SLC35F5: variants seen among roughly 807,000 people sequenced by gnomAD.
SLC35F5 encodes the protein HCV NS5A-transactivated protein 3.
Under a neutral mutation model 68.6 loss-of-function variants are expected in SLC35F5, and 54 were observed. The observed-to-expected ratio is 0.79, with a 90% CI of 0.63 to 0.99. SLC35F5 has a LOEUF of 0.99. SLC35F5 is among the 50% of genes least tolerant of loss of function. The pLI, the probability that SLC35F5 is intolerant of heterozygous loss-of-function variation, is 0.00. For missense variants in SLC35F5, 567 were observed against 626.9 expected, an observed-to-expected ratio of 0.90 and a Z score of 1.02; for synonymous variants, 211 against 205.2, an observed-to-expected ratio of 1.03 and a Z score of -0.24.
chr2:113,725,766 A>G, intron 11 of SLC35F5: 1 of 391,922 alleles, frequency 2.6e-6, no homozygotes, highest in Non-Finnish European at 4.6e-6. Context: ...CCCACATTGT[A>G]TGGGAGCAAC....
Position 113,745,274 on chromosome 2 carries a change from A to G in SLC35F5, c.480+1003T>C, listed in dbSNP as rs552308156. Reference sequence around the variant, plus strand: ...TTGATGCTTAAGATCCCAGGAAAAAAAAATTCTTCATAGTATCTATTAACC... The same window carrying G: ...TTGATGCTTAAGATCCCAGGAAAAAGAAATTCTTCATAGTATCTATTAACC... On this transcript the variant is annotated intron_variant, in intron 5 of 15. Coordinates refer to ENST00000245680, the MANE Select transcript of SLC35F5 (RefSeq NM_025181.5). Among the ~76,000 whole-genome samples the G allele has an allele frequency of 3.9e-5, 6 of 152,322 alleles. 1 individual carries two copies. Among genetic ancestry groups the G allele is most frequent in the African/African-American group, 1.4e-4 (6 of 41,576 alleles).
chr2:113,742,578 G>A, intron 7 of SLC35F5, 114 bp downstream of exon 7: 1 of 1,059,332 alleles, frequency 9.4e-7, no homozygotes, highest in East Asian at 2.4e-5. Context: ...AGAGTTTAAA[G>A]TCATGATTAA....
At chr2:113,727,359 AAAC>A (rs1489039989) in intron 11 of SLC35F5, among the ~76,000 whole-genome samples, 1 of 152,186 alleles carries the variant, frequency 6.6e-6, no homozygotes, top group African/African-American at 2.4e-5. Context: ...TTGATTAAAA[AAAC>A]AACAACAAAA....
At chr2:113,746,862 G>C (rs1676507941) in intron 4 of SLC35F5, among the ~76,000 whole-genome samples, 1 of 151,862 alleles carries the variant, frequency 6.6e-6, no homozygotes, top group Admixed American at 6.6e-5. Flanking sequence ...TGAAGGTGGA[G>C]GTTGCAGTGA....
rs546507330 is a variant in SLC35F5, at chr2:113,747,298, A to C, written c.418-959T>G. 2.6e-5 allele frequency among the ~76,000 whole-genome samples: 4 copies of C among 152,032 alleles called. No individual in the cohort carries two copies. The South Asian group carries it at 8.3e-4, about 32-fold the overall frequency. On this transcript the variant is annotated intron_variant, in intron 4 of 15. Transcript: ENST00000245680. ...CAAGATTCCGTCTCAAAAAAAAAAAAACCCTGAATGAATTTCAAGGTCTGG... is the reference window on the plus strand; with the variant it reads ...CAAGATTCCGTCTCAAAAAAAAAAACACCCTGAATGAATTTCAAGGTCTGG...
chr2:113,705,791 A>G (rs1188945123), downstream of SLC35F5, among the ~76,000 whole-genome samples: 2 of 73,840 alleles, frequency 2.7e-5, no homozygotes, highest in Non-Finnish European at 6.7e-5. Context: ...CTATGAATAC[A>G]CTATCCTGAA....
chr2:113,723,287 T>A lies in SLC35F5; in HGVS notation c.1251-93A>T. The A allele has an allele frequency of 4.2e-6, 3 of 709,276 alleles. No homozygotes were observed. The South Asian group carries it at 1.1e-4, about 27-fold the overall frequency. The allele number at this position is 709,276 out of a possible 1,614,324, so 43.9% of individuals were successfully genotyped here. On this transcript the variant is annotated intron_variant, in intron 12 of 15. Transcript: ENST00000245680. ...CTTTCTATCCTATAATATAGGCCTG[T>A]GAGATCAGGAGCAAAGATAAGAGGC...
At chr2:113,717,035 A>C (rs918998669) in intron 15 of SLC35F5, among the ~76,000 whole-genome samples, 2 of 152,234 alleles carry the variant, frequency 1.3e-5, no homozygotes, top group East Asian at 3.8e-4. Flanking sequence ...GATGTCTTAG[A>C]AAAACTAGAA....
chr2:113,743,888 C>G lies in SLC35F5; in HGVS notation c.481-94G>C. 4.1e-6 allele frequency: 4 copies of G among 987,488 alleles called. No homozygotes were observed. The South Asian group carries it at 6.5e-5, about 16-fold the overall frequency. The allele number at this position is 987,488 out of a possible 1,614,324, so 61.2% of individuals were successfully genotyped here. A position where few individuals can be genotyped will look rare whatever the true frequency, so the allele number is the denominator to read the frequency against. On this transcript the variant is annotated intron_variant, in intron 5 of 15. Transcript: ENST00000245680. ...GATAGTACGTAGACACAAATACCAT[C>G]TAAAACGTGGTTGTTCACCACCAAG...
Position 113,717,772 on chromosome 2 carries a change from CAGCTAACT to C in SLC35F5, c.1567_*2del. On this transcript the variant is annotated stop_lost and 3_prime_UTR_variant, in exon 15 of 16. Transcript: ENST00000245680. ...ACAAACCTGGGCTACAGACAACAGA[CAGCTAACT>C]AGCTCCATCCTCCTGAGAAACACTG... 1 of 1,611,416 alleles carries C rather than the reference CAGCTAACT, an allele frequency of 6.2e-7. No individual in the cohort carries two copies. Among genetic ancestry groups the C allele is most frequent in the Non-Finnish European group, 8.5e-7 (1 of 1,178,746 alleles).
At chr2:113,718,466 C>T (rs945614269) in intron 14 of SLC35F5, among the ~76,000 whole-genome samples, 6 of 152,074 alleles carry the variant, frequency 3.9e-5, no homozygotes, top group African/African-American at 1.2e-4. Context: ...ATGTTCAAAC[C>T]AATAAAAGTT....
At chr2:113,752,563 A>G (rs1363089223) in intron 3 of SLC35F5, among the ~76,000 whole-genome samples, 1 of 152,216 alleles carries the variant, frequency 6.6e-6, no homozygotes, top group Non-Finnish European at 1.5e-5. Flanking sequence ...TAAGAGAAAA[A>G]TAACAAGTTA....
At chr2:113,743,142 G>A (rs908377816) in intron 6 of SLC35F5, among the ~76,000 whole-genome samples, 1 of 152,180 alleles carries the variant, frequency 6.6e-6, no homozygotes, top group Non-Finnish European at 1.5e-5. Flanking sequence ...ATTGTGTACT[G>A]TATATACATA....
rs181364575 is a variant in SLC35F5, at chr2:113,753,973, G to C, written c.273+1192C>G. Among the ~76,000 whole-genome samples the C allele has an allele frequency of 2.1e-4, 32 of 152,214 alleles. No individual in the cohort carries two copies. The East Asian group carries it at 5.6e-3, about 27-fold the overall frequency. On this transcript the variant is annotated intron_variant, in intron 3 of 15. Transcript: ENST00000245680. ...AAAATATATGGTCTATTAGATTCCA[G>C]AGATTAATTCTGAAAAGCATAAAAA...
intron 10 of SLC35F5, among the ~76,000 whole-genome samples, chr2:113,730,793 T>G (rs1219528527): frequency 2.0e-5 from 3 of 152,164 alleles, no homozygotes. Context: ...AAAATCTAAG[T>G]GTTCACCATA....
At chr2:113,756,206 GCTCCGGCGCCCCTGTCAGCTCCCGCTCC>G in intron 1 of SLC35F5, 136 bp downstream of exon 1, 2 of 1,498,900 alleles carry the variant, frequency 1.3e-6, no homozygotes, top group Non-Finnish European at 1.8e-6. Flanking sequence ...TGGGCGCAGG[GCTCCGGCGCCCCTGTCAGCTCCCGCTCC>G]CTCCGCCCCT....
chr2:113,743,978 GA>G, intron 5 of SLC35F5, 184 bp from the exon 6 acceptor site: 1 of 420,184 alleles, frequency 2.4e-6, no homozygotes, highest in Non-Finnish European at 4.2e-6. Context: ...TACAATGACA[GA>G]AAAGAATCAG....
downstream of SLC35F5, among the ~76,000 whole-genome samples, chr2:113,702,940 T>G (rs7586800): frequency 6.6e-6 from 1 of 151,618 alleles, no homozygotes; most frequent in Non-Finnish European, 1.5e-5. Flanking sequence ...AAGACCTCAT[T>G]GCTACTAAAA....
chr2:113,728,808 C>T (rs896544595), intron 11 of SLC35F5, among the ~76,000 whole-genome samples: 11 of 152,176 alleles, frequency 7.2e-5, no homozygotes, highest in African/African-American at 2.4e-4. Flanking sequence ...CTACAGATAT[C>T]GCAAGTTCTT....
Sources: allele counts gnomAD v4.1 joint callset (sites outside exome capture counted in the v4.1 genomes callset), GRCh38; gene constraint gnomAD v4.1.1; transcripts MANE v1.5; gene names NCBI Gene and HGNC (gene_info 2026-07-23, HGNC 2026-07-21).